The following PLPP3 variants were observed in gnomAD, a reference collection of about 807,000 sequenced individuals.
PLPP3 encodes PAP2 beta.
Under a neutral mutation model 29.6 loss-of-function variants are expected in PLPP3, and 6 were observed. The observed-to-expected ratio is 0.20, with a 90% CI of 0.11 to 0.40. The LOEUF (loss-of-function observed/expected upper bound fraction) is 0.40, where lower values mean the gene tolerates loss of function less well. Among genes scored for constraint, PLPP3 ranks in the 10% least tolerant of loss-of-function variants. PLPP3 has a pLI of 1.00. For synonymous variants in PLPP3, 152 were observed against 159.7 expected (o/e 0.95, Z 0.36); for missense variants, 308 against 407.7 (o/e 0.76, Z 2.11).
intron 4 of PLPP3, among the ~76,000 whole-genome samples, chr1:56,523,452 A>T (rs1645832441): frequency 6.6e-6 from 1 of 152,212 alleles, no homozygotes; most frequent in East Asian, 1.9e-4. Context: ...GTGGTGCAAG[A>T]GTAAGTGGTT....
Position 56,579,291 on chromosome 1 carries a change from A to G in PLPP3, c.-275T>C. The G allele has an allele frequency of 2.4e-6, 1 of 410,058 alleles. No individual in the cohort carries two copies. Among genetic ancestry groups the G allele is most frequent in the Middle Eastern group, 6.7e-4 (1 of 1,494 alleles). The allele number at this position is 410,058 out of a possible 1,614,324, so 25.4% of individuals were successfully genotyped here. On this transcript the variant is annotated 5_prime_UTR_variant, in exon 1 of 6. Coordinates refer to ENST00000371250, the MANE Select transcript of PLPP3 (RefSeq NM_003713.5). ...GAAGAGAGCCAGATCCCGAGCAGAA[A>G]CTTTTGCAGAGCTGCGCAGCTTGGG...
intron 5 of PLPP3, among the ~76,000 whole-genome samples, chr1:56,504,337 C>T (rs1405043885): frequency 6.6e-6 from 1 of 152,090 alleles, no homozygotes; most frequent in African/African-American, 2.4e-5. Context: ...TGATGGAGAA[C>T]AGGAATCTAT....
chr1:56,578,786 G>T, intron 1 of PLPP3, 92 bp downstream of exon 1: 1 of 1,239,098 alleles, frequency 8.1e-7, no homozygotes, highest in Non-Finnish European at 1.0e-6. Context: ...ACGGCGCGGC[G>T]CGGCGCGGCG....
intron 1 of PLPP3, among the ~76,000 whole-genome samples, chr1:56,574,018 G>A (rs1233930802): frequency 2.0e-5 from 3 of 151,978 alleles, no homozygotes; most frequent in Non-Finnish European, 4.4e-5. Flanking sequence ...TGGCTAACAT[G>A]GTGAAACCCT....
chr1:56,562,511 CA>C (rs902844937), intron 1 of PLPP3, among the ~76,000 whole-genome samples: 1 of 151,920 alleles, frequency 6.6e-6, no homozygotes, highest in East Asian at 1.9e-4. Flanking sequence ...TCAGACACAA[CA>C]AAAAAAATAT....
intron 1 of PLPP3, among the ~76,000 whole-genome samples, chr1:56,562,539 A>G (rs1381612814): frequency 6.6e-6 from 1 of 152,262 alleles, no homozygotes; most frequent in Non-Finnish European, 1.5e-5. Context: ...TACAAACAAG[A>G]GCTTGCAGTT....
At chr1:56,576,094 T>C (rs1358165520) in intron 1 of PLPP3, among the ~76,000 whole-genome samples, 3 of 152,214 alleles carry the variant, frequency 2.0e-5, no homozygotes, top group Non-Finnish European at 4.4e-5. Context: ...AGTAGACTTC[T>C]GCTTTTTCAC....
Position 56,523,834 on chromosome 1 carries a change from G to T in PLPP3, c.622C>A (p.Leu208Met), listed in dbSNP as rs777419822. 9 of 1,613,502 alleles carry T rather than the reference G, an allele frequency of 5.6e-6. No individual in the cohort carries two copies. In the East Asian group the frequency reaches 1.8e-4, roughly 32 times the overall value. ...GHASFSMYTM[L>M]YLVLYLQARF... ...GGGTGGGTACTTACCACCAAATACA[G>T]CATAGTGTACATGGAGAAGGAGGCA... The change falls in exon 4 of 6, where the codon CTG becomes ATG. Residue 208 changes from leucine to methionine, a missense_variant. Physicochemically the swap from Leu to Met is conservative, Grantham distance 15. Coordinates refer to ENST00000371250, the MANE Select transcript of PLPP3 (RefSeq NM_003713.5).
chr1:56,564,003 ATAATT>A (rs895907016), intron 1 of PLPP3, among the ~76,000 whole-genome samples: 1 of 152,244 alleles, frequency 6.6e-6, no homozygotes, highest in Non-Finnish European at 1.5e-5. Flanking sequence ...ACAAGGTGTG[ATAATT>A]TCATTTTTAA....
rs141980969 is a variant in PLPP3 at position 56,550,301 on chromosome 1, G to A, written c.140-13189C>T. The stretch of plus-strand genomic sequence containing the variant: ...GGCTACAGTAAACAACTCCTAGGTG[G>A]TTTGTTATAGGAACCCTATTGTTCC... On this transcript the variant is annotated intron_variant, in intron 1 of 5. Transcript: ENST00000371250. 1.3e-3 allele frequency among the ~76,000 whole-genome samples: 193 copies of A among 152,268 alleles called. 1 individual carries two copies. In the East Asian group the frequency reaches 0.028, roughly 22 times the overall value.
chr1:56,549,522 G>A (rs745730747), intron 1 of PLPP3, among the ~76,000 whole-genome samples: 2 of 152,138 alleles, frequency 1.3e-5, no homozygotes, highest in Non-Finnish European at 2.9e-5. Flanking sequence ...GGTTTTCCCA[G>A]GTGTCTTGTG....
At chr1:56,541,217 C>T (rs963160513) in intron 1 of PLPP3, among the ~76,000 whole-genome samples, 7 of 151,972 alleles carry the variant, frequency 4.6e-5, no homozygotes, top group African/African-American at 1.5e-4. Context: ...CTAGAGTCCA[C>T]GGGCTAAGTA....
At chr1:56,558,836 G>A (rs1377508676) in intron 1 of PLPP3, among the ~76,000 whole-genome samples, 1 of 152,122 alleles carries the variant, frequency 6.6e-6, no homozygotes, top group East Asian at 1.9e-4. Flanking sequence ...TTAAAATTGT[G>A]GTAACTCGTG....
At chr1:56,571,077 A>T (rs1646194594) in intron 1 of PLPP3, among the ~76,000 whole-genome samples, 1 of 152,160 alleles carries the variant, frequency 6.6e-6, no homozygotes, top group South Asian at 2.1e-4. Flanking sequence ...TCTCCTCATG[A>T]ATAATATCAA....
chr1:56,501,375 T>C lies in PLPP3; in HGVS notation c.811-4699A>G, dbSNP rs528811987. On this transcript the variant is annotated intron_variant, in intron 5 of 5. Coordinates refer to ENST00000371250, the MANE Select transcript of PLPP3 (RefSeq NM_003713.5). Reference sequence around the variant, plus strand: ...GCTTTCCTATGCCTGTGACATTGTCTTGGGGGAGTGATTGCCCCCCACGCC... The same window carrying C: ...GCTTTCCTATGCCTGTGACATTGTCCTGGGGGAGTGATTGCCCCCCACGCC... 2.6e-5 allele frequency among the ~76,000 whole-genome samples: 4 copies of C among 152,316 alleles called. No individual in the cohort carries two copies. The South Asian group carries it at 8.3e-4, about 32-fold the overall frequency.
chr1:56,567,098 C>T (rs1353647426), intron 1 of PLPP3, among the ~76,000 whole-genome samples: 1 of 152,178 alleles, frequency 6.6e-6, no homozygotes, highest in Non-Finnish European at 1.5e-5. Flanking sequence ...CTTTGTTCTG[C>T]TGAGACAAGA....
At chr1:56,575,736 T>C (rs988749149) in intron 1 of PLPP3, among the ~76,000 whole-genome samples, 4 of 152,310 alleles carry the variant, frequency 2.6e-5, no homozygotes, top group Non-Finnish European at 4.4e-5. Flanking sequence ...TTCTGGTTTA[T>C]AAAATGGAGA....
intron 1 of PLPP3, among the ~76,000 whole-genome samples, chr1:56,542,597 C>G (rs570337052): frequency 6.6e-6 from 1 of 152,200 alleles, no homozygotes; most frequent in East Asian, 1.9e-4. Flanking sequence ...TACGTGAAGT[C>G]CAGGATCTGC....
chr1:56,536,204 C>T (rs1269078883), intron 2 of PLPP3, among the ~76,000 whole-genome samples: 2 of 152,200 alleles, frequency 1.3e-5, no homozygotes. Context: ...ATACATGATA[C>T]TGTGCAATTA....
Sources: allele counts gnomAD v4.1 joint callset (sites outside exome capture counted in the v4.1 genomes callset), GRCh38; gene constraint gnomAD v4.1.1; transcripts MANE v1.5; gene names NCBI Gene and HGNC (gene_info 2026-07-23, HGNC 2026-07-21).